Variants in RFC3 observed in about 807,000 individuals in gnomAD.
The protein encoded by RFC3 is replication factor C subunit 3.
In RFC3, 41 loss-of-function variants were observed where a neutral mutation model predicts 45.1. That is an observed-to-expected ratio of 0.91 (90% confidence interval 0.71 to 1.18). RFC3 has a LOEUF of 1.18. Ranked by LOEUF, RFC3 falls within the 50% of genes most tolerant of loss-of-function variation. The pLI, the probability that RFC3 is intolerant of heterozygous loss-of-function variation, is 0.00. For missense variants in RFC3, 423 were observed against 428.1 expected (o/e 0.99, Z 0.10); for synonymous variants, 149 against 144.0 (o/e 1.03, Z -0.25).
chr13:33,894,360 G>T (rs767014261), intron 8 of RFC3, among the ~76,000 whole-genome samples: 3 of 152,208 alleles, frequency 2.0e-5, no homozygotes, highest in Non-Finnish European at 2.9e-5. Context: ...CCAGTTTCCA[G>T]TGGGAATGGA....
At chr13:33,958,909 A>G (rs2083039207) in intron 8 of RFC3, among the ~76,000 whole-genome samples, 1 of 152,226 alleles carries the variant, frequency 6.6e-6, no homozygotes, top group African/African-American at 2.4e-5. Flanking sequence ...ACTGGCATTC[A>G]TTATGACTAG....
chr13:33,947,464 C>G (rs1286920068), intron 8 of RFC3, among the ~76,000 whole-genome samples: 1 of 151,496 alleles, frequency 6.6e-6, no homozygotes, highest in African/African-American at 2.4e-5. Flanking sequence ...TGAGAATGGA[C>G]TAATACAGTA....
chr13:33,928,302 A>T (rs973462240), intron 8 of RFC3, among the ~76,000 whole-genome samples: 10 of 152,108 alleles, frequency 6.6e-5, no homozygotes, highest in African/African-American at 2.4e-4. Context: ...ACTACGCAAA[A>T]ATAGGGACAT....
At chr13:33,858,384 G>C (rs951256496) in intron 8 of RFC3, among the ~76,000 whole-genome samples, 1 of 152,182 alleles carries the variant, frequency 6.6e-6, no homozygotes, top group Non-Finnish European at 1.5e-5. Context: ...AAGAATAACG[G>C]TAGATTAAAC....
At chr13:33,950,764 C>G (rs1020598934) in intron 8 of RFC3, among the ~76,000 whole-genome samples, 1 of 151,386 alleles carries the variant, frequency 6.6e-6, no homozygotes, top group Non-Finnish European at 1.5e-5. Flanking sequence ...TCTCTCTTCT[C>G]TTTCTCTCTC....
rs1393442208 is a variant in RFC3, at chr13:33,818,193, G to A, written c.15G>A (p.Val5=). 2.5e-6 allele frequency: 4 copies of A among 1,613,488 alleles called. No homozygotes were observed. Among genetic ancestry groups the A allele is most frequent in the African/African-American group, 1.3e-5 (1 of 74,942 alleles). Residue 5 remains valine (V), a synonymous_variant, in exon 1 of 9, where the codon GTG becomes GTA. Coordinates refer to ENST00000380071, the MANE Select transcript of RFC3 (RefSeq NM_002915.4). MSLW[V]DKYRPCSLGR... is the part of the protein sequence containing the mutation. Reference sequence around the variant, plus strand: ...CTCGAGCTGCCATGAGCCTCTGGGTGGACAAGTATCGGCCCTGCTCCTTGG... The same window carrying A: ...CTCGAGCTGCCATGAGCCTCTGGGTAGACAAGTATCGGCCCTGCTCCTTGG...
chr13:33,922,757 G>A (rs750033178), intron 8 of RFC3, among the ~76,000 whole-genome samples: 86 of 152,224 alleles, frequency 5.6e-4, no homozygotes, highest in Non-Finnish European at 9.1e-4. Context: ...GATTAGGCAC[G>A]AGGGCTCTAT....
chr13:33,857,589 C>CATTGAA (rs2082315869), intron 8 of RFC3, among the ~76,000 whole-genome samples: 1 of 151,254 alleles, frequency 6.6e-6, no homozygotes, highest in East Asian at 1.9e-4. Context: ...GTGGGGCTAA[C>CATTGAA]ATTAAAATTA....
intron 8 of RFC3, among the ~76,000 whole-genome samples, chr13:33,951,338 T>TC (rs1285876598): frequency 2.6e-5 from 4 of 151,680 alleles, no homozygotes; most frequent in Non-Finnish European, 5.9e-5. Flanking sequence ...TTCAAGCGAT[T>TC]CCCCTGCCTC....
intron 4 of RFC3, among the ~76,000 whole-genome samples, chr13:33,828,019 C>T (rs1219398522): frequency 1.3e-5 from 2 of 151,900 alleles, no homozygotes; most frequent in African/African-American, 2.4e-5. Context: ...AAATTAGGCT[C>T]ATGCCTGTAG....
chr13:33,964,335 G>T (rs2083075092), intron 8 of RFC3, among the ~76,000 whole-genome samples: 1 of 152,172 alleles, frequency 6.6e-6, no homozygotes, highest in Non-Finnish European at 1.5e-5. Flanking sequence ...ATAATGAAAA[G>T]AATGTGATTC....
chr13:33,860,187 C>G (rs2082332015), intron 8 of RFC3, among the ~76,000 whole-genome samples: 1 of 152,066 alleles, frequency 6.6e-6, no homozygotes, highest in African/African-American at 2.4e-5. Context: ...GCCACTCCAC[C>G]TGTGGCATTT....
chr13:33,833,618 A>G (rs1219044910), intron 7 of RFC3, among the ~76,000 whole-genome samples: 43 of 152,182 alleles, frequency 2.8e-4, no homozygotes, highest in African/African-American at 2.4e-5. Context: ...TATGCACTAC[A>G]CACAGTATAG....
intron 4 of RFC3, among the ~76,000 whole-genome samples, chr13:33,829,190 A>C (rs1170481603): frequency 6.6e-6 from 1 of 152,234 alleles, no homozygotes; most frequent in Non-Finnish European, 1.5e-5. Context: ...CTGTGTATAC[A>C]TTATTCCTGA....
At chr13:33,922,150 C>CT (rs11317609) in intron 8 of RFC3, among the ~76,000 whole-genome samples, 3,795 of 126,494 alleles carry the variant, frequency 0.03, 101 homozygotes, top group Admixed American at 0.092. Flanking sequence ...AGCTTCATTG[C>CT]TTTTTTTTTT....
At chr13:33,862,790 C>T (rs2082349483) in intron 8 of RFC3, among the ~76,000 whole-genome samples, 1 of 151,736 alleles carries the variant, frequency 6.6e-6, no homozygotes, top group African/African-American at 2.4e-5. Flanking sequence ...TTAAATGTTC[C>T]CAAATTATAC....
chr13:33,977,268 A>G, the RFC3 span, among the ~76,000 whole-genome samples: 1 of 152,184 alleles, frequency 6.6e-6, no homozygotes. Context: ...CTATCATAGC[A>G]ATAGAAGATG....
intron 7 of RFC3, among the ~76,000 whole-genome samples, chr13:33,834,026 G>A (rs1280560329): frequency 6.6e-6 from 1 of 152,086 alleles, no homozygotes; most frequent in South Asian, 2.1e-4. Context: ...GCTGTGGTCA[G>A]TTCTGTCAGT....
At chr13:33,866,731 C>G (rs2082376068) in intron 8 of RFC3, among the ~76,000 whole-genome samples, 1 of 152,060 alleles carries the variant, frequency 6.6e-6, no homozygotes, top group African/African-American at 2.4e-5. Flanking sequence ...TAACTGGGCC[C>G]TGGGAAAAAG....
Sources: gnomAD v4.1 joint callset for allele counts (sites outside exome capture counted in the v4.1 genomes callset) on GRCh38, gnomAD v4.1.1 for gene constraint, MANE v1.5 for transcripts, NCBI Gene and HGNC (gene_info 2026-07-23, HGNC 2026-07-21) for gene names.